ITGA9: variants seen among roughly 807,000 people sequenced by gnomAD.
ITGA9 encodes integrin subunit alpha 9, also known as integrin alpha-9.
A neutral mutation model predicts 127.8 loss-of-function variants in ITGA9; 56 were observed. That is an observed-to-expected ratio of 0.44 (90% confidence interval 0.35 to 0.55). The LOEUF is 0.55. ITGA9 is among the 20% of genes least tolerant of loss of function. ITGA9 has a pLI of 0.00. For synonymous variants in ITGA9, 508 were observed against 514.5 expected, an observed-to-expected ratio of 0.99 and a Z score of 0.17; for missense variants, 1,196 against 1,347.1, an observed-to-expected ratio of 0.89 and a Z score of 1.76.
chr3:37,458,703 G>A (rs79908421), intron 1 of ITGA9, among the ~76,000 whole-genome samples: 12 of 152,364 alleles, frequency 7.9e-5, no homozygotes, highest in Non-Finnish European at 1.6e-4. Context: ...TTGGCCTGCA[G>A]TGTGGCTGGG....
Position 37,452,538 on chromosome 3 carries a change from A to T in ITGA9, c.164A>T (p.His55Leu). ...DSFFGYAVLE[H>L]FHDNTRWVLV... ...TTCTTCGGCTACGCAGTTCTGGAGC[A>T]TTTCCACGACAACACGCGCTGGTGA... The change falls in exon 1 of 28, where the codon CAT becomes CTT. Residue 55 changes from histidine (H) to leucine (L), a missense_variant. Coordinates refer to ENST00000264741, the MANE Select transcript of ITGA9 (RefSeq NM_002207.3). The surrounding 1 kb of genome is among the most constrained non-coding windows in gnomAD (Gnocchi z 7.3). The T allele has an allele frequency of 6.6e-7, 1 of 1,526,226 alleles. No homozygotes were observed. Among genetic ancestry groups the T allele is most frequent in the Non-Finnish European group, 8.8e-7 (1 of 1,136,652 alleles). The allele number at this position is 1,526,226 out of a possible 1,614,324, so 94.5% of individuals were successfully genotyped here.
chr3:37,715,184 A>G (rs551124357), intron 18 of ITGA9, among the ~76,000 whole-genome samples: 1 of 152,200 alleles, frequency 6.6e-6, no homozygotes, highest in East Asian at 1.9e-4. Context: ...AGAATCTACA[A>G]CTGTAGGTGA....
intron 15 of ITGA9, among the ~76,000 whole-genome samples, chr3:37,578,937 G>T: frequency 6.6e-6 from 1 of 152,098 alleles, no homozygotes; most frequent in Admixed American, 6.6e-5. Context: ...CAGAGAGGGA[G>T]AAGAGGAAGA....
intron 22 of ITGA9, among the ~76,000 whole-genome samples, chr3:37,746,492 G>A (rs1696502626): frequency 6.6e-6 from 1 of 152,196 alleles, no homozygotes; most frequent in South Asian, 2.1e-4. Context: ...AACATTTGCA[G>A]AGAATCCAGT....
intron 17 of ITGA9, among the ~76,000 whole-genome samples, chr3:37,668,450 A>T (rs962288129): frequency 6.6e-6 from 1 of 152,192 alleles, no homozygotes; most frequent in African/African-American, 2.4e-5. Context: ...TTGTGACTGG[A>T]CGCAAGGAAA....
intron 18 of ITGA9, among the ~76,000 whole-genome samples, chr3:37,700,166 T>C (rs1700930578): frequency 6.6e-6 from 1 of 152,114 alleles, no homozygotes; most frequent in Non-Finnish European, 1.5e-5. Context: ...GTCTTTTTAG[T>C]AGAGATGGGG....
intron 15 of ITGA9, among the ~76,000 whole-genome samples, chr3:37,617,761 C>T (rs1700089162): frequency 6.6e-6 from 1 of 152,200 alleles, no homozygotes; most frequent in Non-Finnish European, 1.5e-5. Context: ...GAATTGGCTA[C>T]TGAGGCTTGG....
At chr3:37,463,516 G>A (rs569099583) in intron 1 of ITGA9, among the ~76,000 whole-genome samples, 11 of 152,316 alleles carry the variant, frequency 7.2e-5, no homozygotes, top group Admixed American at 5.9e-4. Flanking sequence ...TGTACACATG[G>A]TGGTTGGGTA....
At chr3:37,747,462 A>C (rs1696515204) in intron 22 of ITGA9, among the ~76,000 whole-genome samples, 1 of 152,012 alleles carries the variant, frequency 6.6e-6, no homozygotes, top group Non-Finnish European at 1.5e-5. Flanking sequence ...TAGTCACCCT[A>C]TTGTGCTATC....
intron 14 of ITGA9, among the ~76,000 whole-genome samples, chr3:37,538,756 C>A (rs1699238087): frequency 6.6e-6 from 1 of 152,228 alleles, no homozygotes; most frequent in East Asian, 1.9e-4. Context: ...TTTCTTCTTG[C>A]CTCCTCAGGC....
intron 16 of ITGA9, among the ~76,000 whole-genome samples, chr3:37,644,630 A>C (rs1700360882): frequency 6.6e-6 from 1 of 152,220 alleles, no homozygotes; most frequent in Non-Finnish European, 1.5e-5. Context: ...AATTCTGCAA[A>C]CTGCAGAGCC....
rs1269095438 is a variant in ITGA9 at position 37,819,909 on chromosome 3, T to C, written c.*920T>C. On this transcript the variant is annotated 3_prime_UTR_variant, in exon 28 of 28. Coordinates refer to ENST00000264741, the MANE Select transcript of ITGA9 (RefSeq NM_002207.3). ...AAATCCTTGTCCCCTAAGCAAAGAA[T>C]TGGGTCTGAATGCTGTGAGGGATTG... 1 of 152,170 alleles carries C rather than the reference T, an allele frequency of 6.6e-6. No homozygotes were observed. Among genetic ancestry groups the C allele is most frequent in the Non-Finnish European group, 1.5e-5 (1 of 68,034 alleles). 9.4% of individuals were successfully genotyped at this position (152,170 alleles called of 1,614,324 possible).
chr3:37,652,304 A>T (rs1474217277), intron 16 of ITGA9, among the ~76,000 whole-genome samples: 3 of 152,156 alleles, frequency 2.0e-5, no homozygotes, highest in Non-Finnish European at 2.9e-5. Flanking sequence ...TGAGACGTTC[A>T]TGCCATCCTT....
intron 7 of ITGA9, 67 bp from the exon 8 acceptor site, chr3:37,508,492 G>C (rs17228684): frequency 6.9e-6 from 9 of 1,301,762 alleles, no homozygotes; most frequent in South Asian, 1.2e-5. Context: ...ACTCCCAGGA[G>C]AGTGCTGATA....
At chr3:37,803,103 C>T (rs1343674701) in intron 26 of ITGA9, among the ~76,000 whole-genome samples, 1 of 152,214 alleles carries the variant, frequency 6.6e-6, no homozygotes, top group African/African-American at 2.4e-5. Context: ...CTAAGTGACA[C>T]ATTGAGCTGA....
chr3:37,711,492 C>T (rs1701079152), intron 18 of ITGA9, among the ~76,000 whole-genome samples: 2 of 152,338 alleles, frequency 1.3e-5, no homozygotes, highest in South Asian at 2.1e-4. Context: ...TAACCTTGAA[C>T]TCTTGGGCTC....
In ITGA9 at chr3:37,724,653, C is replaced by T. The variant is rs193117917; in HGVS notation, c.2068-8059C>T. Among the ~76,000 whole-genome samples, 350 of 152,184 alleles carry T rather than the reference C, an allele frequency of 2.3e-3. 4 individuals are homozygous for T. Among genetic ancestry groups the T allele is most frequent in the African/African-American group, 7.9e-3 (330 of 41,524 alleles). Reference sequence around the variant, plus strand: ...TGGGATTACAGGCATCTGCCCACCACGCCCAGCTAATTTTTTGTATTTTTA... The same window carrying T: ...TGGGATTACAGGCATCTGCCCACCATGCCCAGCTAATTTTTTGTATTTTTA... On this transcript the variant is annotated intron_variant, in intron 18 of 27. Transcript: ENST00000264741.
intron 16 of ITGA9, among the ~76,000 whole-genome samples, chr3:37,631,739 G>A (rs1700231692): frequency 6.6e-6 from 1 of 152,202 alleles, no homozygotes; most frequent in South Asian, 2.1e-4. Context: ...AGAGTAAGAA[G>A]TGGGACTGCA....
intron 23 of ITGA9, 152 bp from the exon 24 acceptor site, chr3:37,777,240 T>G: frequency 1.2e-6 from 1 of 843,674 alleles, no homozygotes; most frequent in Non-Finnish European, 1.9e-6. Context: ...ACTTCTGCCT[T>G]TCAGCTTTTC....
Sources: allele counts gnomAD v4.1 joint callset (sites outside exome capture counted in the v4.1 genomes callset), GRCh38; gene constraint gnomAD v4.1.1; non-coding constraint Gnocchi (gnomAD v3.1); transcripts MANE v1.5; gene names NCBI Gene and HGNC (gene_info 2026-07-23, HGNC 2026-07-21).